The following NME8 variants were observed in gnomAD, a reference collection of about 807,000 sequenced individuals.
The protein encoded by NME8 is protein NME8.
A neutral mutation model predicts 82.3 loss-of-function variants in NME8; 72 were observed. That is an observed-to-expected ratio of 0.87 (90% CI 0.72 to 1.06). The LOEUF (loss-of-function observed/expected upper bound fraction) is 1.06, where lower values mean the gene tolerates loss of function less well. Ranked by LOEUF, NME8 falls within the 50% of genes least tolerant of loss-of-function variation. The pLI is 0.00. For missense variants in NME8, 712 were observed against 685.4 expected (o/e 1.04, Z -0.43); for synonymous variants, 267 against 228.5 (o/e 1.17, Z -1.52).
At chr7:37,866,852 G>A (rs773146445) in intron 10 of NME8, among the ~76,000 whole-genome samples, 6 of 152,170 alleles carry the variant, frequency 3.9e-5, no homozygotes, top group Admixed American at 3.3e-4. Flanking sequence ...GGAGACATGA[G>A]ACATCAATCA....
chr7:37,877,033 A>C, intron 12 of NME8, 26 bp downstream of exon 12: 1 of 1,582,510 alleles, frequency 6.3e-7, no homozygotes, highest in Non-Finnish European at 8.7e-7. Context: ...TAAATTGTTT[A>C]AGTATTTTAT....
chr7:37,888,875 G>A (rs767180157), intron 15 of NME8, among the ~76,000 whole-genome samples: 1 of 149,116 alleles, frequency 6.7e-6, no homozygotes, highest in East Asian at 2.0e-4. Flanking sequence ...TTTTTTTTTC[G>A]TATTGAGACT....
intron 11 of NME8, among the ~76,000 whole-genome samples, chr7:37,873,359 CAAA>C (rs10647118): frequency 2.8e-5 from 3 of 105,478 alleles, no homozygotes; most frequent in East Asian, 2.7e-4. Flanking sequence ...GACTCTGTCT[CAAA>C]AAAAAAAAAA....
In NME8 at chr7:37,888,225, A is replaced by G; in HGVS notation, c.1248-52A>G. Reference sequence around the variant, plus strand: ...TTGAACAACTTATAGAAATTGTGTTATATTATTCTGTTCTGTTCTAATAGC... The same window carrying G: ...TTGAACAACTTATAGAAATTGTGTTGTATTATTCTGTTCTGTTCTAATAGC... On this transcript the variant is annotated intron_variant, in intron 14 of 17. Transcript: ENST00000199447. 1.9e-6 allele frequency: 3 copies of G among 1,554,346 alleles called. No individual in the cohort carries two copies. The South Asian group carries it at 3.3e-5, about 17-fold the overall frequency.
chr7:37,877,044 A>G (rs1381815744), intron 12 of NME8, 37 bp downstream of exon 12: 8 of 1,534,058 alleles, frequency 5.2e-6, no homozygotes, highest in East Asian at 2.3e-5. Flanking sequence ...AGTATTTTAT[A>G]TAGATGAGAT....
chr7:37,874,022 C>T (rs1784811534), intron 11 of NME8, among the ~76,000 whole-genome samples: 1 of 152,280 alleles, frequency 6.6e-6, no homozygotes, highest in East Asian at 1.9e-4. Flanking sequence ...GCTGCAACCC[C>T]TGCATTCTTA....
chr7:37,865,572 C>G lies in NME8; in HGVS notation c.576C>G (p.Leu192=), dbSNP rs946682979. The G allele has an allele frequency of 3.1e-6, 5 of 1,613,322 alleles. No homozygotes were observed. The highest frequency in any genetic ancestry group is 1.7e-5 in the Admixed American group (1 of 59,984). Reference sequence around the variant, plus strand: ...TAGAAGCAGAGCATAAGACAGTGCTCACTGAAGAACAAGTTGTCAACTTCT... The same window carrying G: ...TAGAAGCAGAGCATAAGACAGTGCTGACTGAAGAACAAGTTGTCAACTTCT... The part of the protein sequence containing the change: ...FIIEAEHKTV[L]TEEQVVNFYS... Residue 192 remains leucine (L), a synonymous_variant, in exon 10 of 18, where the codon CTC becomes CTG. Coordinates refer to ENST00000199447, the MANE Select transcript of NME8 (RefSeq NM_016616.5).
intron 12 of NME8, among the ~76,000 whole-genome samples, chr7:37,879,947 A>T (rs898652013): frequency 6.6e-6 from 1 of 152,182 alleles, no homozygotes; most frequent in Non-Finnish European, 1.5e-5. Context: ...CCCTAATGAC[A>T]TATTATGCAG....
chr7:37,894,468 C>T lies in NME8; in HGVS notation c.1402C>T (p.Gln468Ter), dbSNP rs766093684. The change falls in exon 16 of 18, where the codon CAG becomes TAG. Residue 468 changes from glutamine to a stop codon, truncating the protein, a stop_gained and splice_region_variant. Coordinates refer to ENST00000199447, the MANE Select transcript of NME8 (RefSeq NM_016616.5). LOFTEE classifies it high-confidence loss of function. ...TATCAAATATTTGTTTTTCTTAGAGCAGATCCTGAAGATAGTTAAGGAGGC... is the reference window on the plus strand; with the variant it reads ...TATCAAATATTTGTTTTTCTTAGAGTAGATCCTGAAGATAGTTAAGGAGGC... ...KPHATSEQRE[Q>*]ILKIVKEAGF... 2 of 1,612,448 alleles carry T rather than the reference C, an allele frequency of 1.2e-6. No homozygotes were observed. Among genetic ancestry groups the T allele is most frequent in the Admixed American group, 1.7e-5 (1 of 59,912 alleles).
chr7:37,858,362 T>TTAAAAAATGCATTGAATGG (rs1451079473), intron 6 of NME8, among the ~76,000 whole-genome samples: 2 of 152,228 alleles, frequency 1.3e-5, no homozygotes, highest in Non-Finnish European at 2.9e-5. Context: ...GGGTTAATGA[T>TTAAAAAATGCATTGAATGG]TAAAAAATGC....
rs148807059 is a variant in NME8, at chr7:37,886,461, C to A, written c.1247+1209C>A. ...TTTCCACTTTCCTTGGCTCCACCCACCACTTACGGTTGCTTTAGGAATAAC... is the reference window on the plus strand; with the variant it reads ...TTTCCACTTTCCTTGGCTCCACCCAACACTTACGGTTGCTTTAGGAATAAC... On this transcript the variant is annotated intron_variant, in intron 14 of 17. Transcript: ENST00000199447. 2.6e-5 allele frequency among the ~76,000 whole-genome samples: 4 copies of A among 152,312 alleles called. No homozygotes were observed. The East Asian group carries it at 7.7e-4, about 29-fold the overall frequency.
At chr7:37,883,433 C>T (rs1784994185) in intron 12 of NME8, among the ~76,000 whole-genome samples, 1 of 152,198 alleles carries the variant, frequency 6.6e-6, no homozygotes, top group African/African-American at 2.4e-5. Context: ...ACTGTATTAA[C>T]ATGCATGATA....
At chr7:37,899,635 C>T (rs1221142284) in intron 17 of NME8, among the ~76,000 whole-genome samples, 1 of 152,042 alleles carries the variant, frequency 6.6e-6, no homozygotes, top group East Asian at 1.9e-4. Context: ...ACACATTTAC[C>T]TATGAAACAA....
At chr7:37,879,128 A>G (rs887639167) in intron 12 of NME8, among the ~76,000 whole-genome samples, 1 of 150,712 alleles carries the variant, frequency 6.6e-6, no homozygotes, top group Non-Finnish European at 1.5e-5. Flanking sequence ...CCTTTTCATT[A>G]TATATATATA....
intron 12 of NME8, 67 bp from the exon 13 acceptor site, chr7:37,884,236 T>C: frequency 9.1e-7 from 1 of 1,095,156 alleles, no homozygotes; most frequent in Non-Finnish European, 1.4e-6. Flanking sequence ...TGATAGTATA[T>C]TATGTATTGT....
chr7:37,848,782 C>T (rs898678643), intron 1 of NME8, 42 bp from the exon 2 acceptor site: 2 of 152,290 alleles, frequency 1.3e-5, no homozygotes, highest in Non-Finnish European at 2.9e-5. Flanking sequence ...GTCTCACGGG[C>T]AGATGGGTTG....
chr7:37,861,996 A>C (rs1361764818), intron 6 of NME8, 32 bp from the exon 7 acceptor site: 4 of 1,378,478 alleles, frequency 2.9e-6, no homozygotes, highest in Non-Finnish European at 4.1e-6. Context: ...CTCCAAATGA[A>C]AGTTCCCCTC....
At chr7:37,855,565 GGT>G (rs1784498403) in intron 5 of NME8, among the ~76,000 whole-genome samples, 1 of 152,028 alleles carries the variant, frequency 6.6e-6, no homozygotes, top group South Asian at 2.1e-4. Flanking sequence ...AACCTGTTCA[GGT>G]AGACATCTTT....
intron 12 of NME8, among the ~76,000 whole-genome samples, chr7:37,883,724 A>C (rs1344898148): frequency 2.0e-5 from 3 of 152,196 alleles, no homozygotes; most frequent in Non-Finnish European, 2.9e-5. Context: ...AATATCATTG[A>C]CCATAGCTGG....
Sources: gnomAD v4.1 joint callset for allele counts (sites outside exome capture counted in the v4.1 genomes callset) on GRCh38, gnomAD v4.1.1 for gene constraint, MANE v1.5 for transcripts, NCBI Gene and HGNC (gene_info 2026-07-23, HGNC 2026-07-21) for gene names.